The following PDE1A variants were observed in gnomAD, a reference collection of about 807,000 sequenced individuals.
The protein encoded by PDE1A is phosphodiesterase 1A.
PDE1A carries 35 observed loss-of-function variants against 61.7 expected under a neutral mutation model. The observed-to-expected ratio is 0.57, with a 90% CI of 0.43 to 0.75. The LOEUF (loss-of-function observed/expected upper bound fraction) is 0.75. Ranked by LOEUF, PDE1A falls within the 30% of genes least tolerant of loss-of-function variation. The pLI is 0.00. For synonymous variants in PDE1A, 232 were observed against 213.2 expected (o/e 1.09, Z -0.77); for missense variants, 597 against 630.6 (o/e 0.95, Z 0.57).
chr2:182,569,254 AATATATATAT>A, the PDE1A span, among the ~76,000 whole-genome samples: 1,122 of 138,592 alleles, frequency 8.1e-3, 31 homozygotes, highest in African/African-American at 0.029. Context: ...ACCTGTCTCA[AATATATATAT>A]ATATATATAT....
At chr2:182,183,947 C>G (rs149355291) in intron 13 of PDE1A, among the ~76,000 whole-genome samples, 200 of 146,744 alleles carry the variant, frequency 1.4e-3, no homozygotes, top group African/African-American at 4.9e-3. Context: ...CATTAGAAAG[C>G]AGCCAATCAA....
At chr2:182,504,248 T>G (rs1056396673) in intron 2 of PDE1A, among the ~76,000 whole-genome samples, 4 of 152,228 alleles carry the variant, frequency 2.6e-5, no homozygotes, top group African/African-American at 9.6e-5. Flanking sequence ...TTCTAAGGAA[T>G]TTAAGATTAC....
chr2:182,508,729 T>C (rs1689575862), intron 2 of PDE1A, among the ~76,000 whole-genome samples: 1 of 143,568 alleles, frequency 7.0e-6, no homozygotes, highest in South Asian at 2.1e-4. Context: ...TGTAAATTTC[T>C]TTTTTTTTTT....
the PDE1A span, among the ~76,000 whole-genome samples, chr2:182,541,900 G>A: frequency 1.3e-5 from 2 of 152,148 alleles, no homozygotes; most frequent in Non-Finnish European, 2.9e-5. Flanking sequence ...TATTGTAAAT[G>A]AAGCTTTATG....
At chr2:182,385,432 A>AATAAATG (rs1205759162) in intron 1 of PDE1A, among the ~76,000 whole-genome samples, 5 of 152,264 alleles carry the variant, frequency 3.3e-5, no homozygotes, top group South Asian at 2.1e-4. Context: ...GGAGGAATGG[A>AATAAATG]ATAAATGTAT....
At chr2:182,306,125 TGTA>T (rs1356629868) in intron 1 of PDE1A, among the ~76,000 whole-genome samples, 5 of 152,136 alleles carry the variant, frequency 3.3e-5, no homozygotes, top group Admixed American at 3.3e-4. Flanking sequence ...AATGAGAACA[TGTA>T]GTATTAGTTT....
At chr2:182,170,025 T>A (rs993438539) in intron 13 of PDE1A, among the ~76,000 whole-genome samples, 1 of 151,872 alleles carries the variant, frequency 6.6e-6, no homozygotes, top group Non-Finnish European at 1.5e-5. Flanking sequence ...CCTTAAGTTA[T>A]GCTGCTGTCA....
chr2:182,628,009 C>T, the PDE1A span, among the ~76,000 whole-genome samples: 25 of 151,306 alleles, frequency 1.7e-4, no homozygotes, highest in Non-Finnish European at 3.1e-4. Flanking sequence ...ATTTATAATG[C>T]TATTTTCACC....
At chr2:182,168,077 A>T (rs1691762861) in exon 14 of PDE1A, 2 of 1,309,856 alleles carry the variant, frequency 1.5e-6, no homozygotes, top group East Asian at 2.9e-5. Context: ...TGAATTAAGG[A>T]GTTTACAGCT....
chr2:182,670,138 G>A, the PDE1A span, among the ~76,000 whole-genome samples: 12 of 152,148 alleles, frequency 7.9e-5, no homozygotes, highest in Non-Finnish European at 1.5e-4. Context: ...CTGTATATAA[G>A]TGCCCAGTAC....
intron 2 of PDE1A, among the ~76,000 whole-genome samples, chr2:182,445,757 T>C (rs1685090746): frequency 1.3e-5 from 2 of 152,136 alleles, no homozygotes; most frequent in Non-Finnish European, 2.9e-5. Flanking sequence ...TGTTGTTTTT[T>C]CCATTATTGA....
At chr2:182,573,742 TGCA>T in the PDE1A span, among the ~76,000 whole-genome samples, 8 of 151,280 alleles carry the variant, frequency 5.3e-5, no homozygotes, top group Admixed American at 4.0e-4. Context: ...TGATGATCTC[TGCA>T]ATTTATTTTA....
intron 1 of PDE1A, among the ~76,000 whole-genome samples, chr2:182,285,093 C>T (rs1002167150): frequency 1.3e-5 from 2 of 151,996 alleles, no homozygotes; most frequent in African/African-American, 2.4e-5. Context: ...ATTGTTTTGC[C>T]GCCTCTGATT....
the PDE1A span, among the ~76,000 whole-genome samples, chr2:182,675,036 C>G: frequency 6.6e-6 from 1 of 151,998 alleles, no homozygotes; most frequent in Non-Finnish European, 1.5e-5. Context: ...GTTTGTTGTA[C>G]AGATTATTTT....
intron 13 of PDE1A, among the ~76,000 whole-genome samples, chr2:182,183,713 T>A (rs920847520): frequency 1.3e-5 from 2 of 150,732 alleles, no homozygotes; most frequent in South Asian, 2.1e-4. Context: ...ACAAGTTTTT[T>A]AAATATGTTT....
In PDE1A at chr2:182,234,174, G is replaced by GA. The variant is rs941151626; in HGVS notation, c.417+257dup. ...TCAAGATCCACATAAATAAAATTAA[G>GA]AAAAAAAACACACGTGTGTGTGCAT... is the stretch of plus-strand genomic sequence containing the variant. On this transcript the variant is annotated intron_variant, in intron 4 of 13. Coordinates refer to ENST00000351439, the Ensembl canonical transcript of PDE1A. Among the ~76,000 whole-genome samples, 11 of 151,580 alleles carry GA rather than the reference G, an allele frequency of 7.3e-5. No individual in the cohort carries two copies. The East Asian group carries it at 9.7e-4, about 13-fold the overall frequency.
intron 1 of PDE1A, among the ~76,000 whole-genome samples, chr2:182,328,520 A>G (rs1455628584): frequency 6.6e-6 from 1 of 152,180 alleles, no homozygotes; most frequent in Non-Finnish European, 1.5e-5. Flanking sequence ...AGATGAACAG[A>G]TTTTAAGTTC....
intron 1 of PDE1A, among the ~76,000 whole-genome samples, chr2:182,278,255 C>T (rs540022186): frequency 3.0e-4 from 46 of 152,120 alleles, no homozygotes; most frequent in African/African-American, 1.0e-3. Flanking sequence ...CAAGCTTACA[C>T]AATTGAGTTG....
chr2:182,332,495 T>G (rs1272470089), intron 1 of PDE1A, among the ~76,000 whole-genome samples: 2 of 152,220 alleles, frequency 1.3e-5, no homozygotes, highest in African/African-American at 4.8e-5. Context: ...TGGATTTAAC[T>G]ACCTTTGGTC....
Sources: allele counts gnomAD v4.1 joint callset (sites outside exome capture counted in the v4.1 genomes callset), GRCh38; gene constraint gnomAD v4.1.1; transcripts MANE v1.5; gene names NCBI Gene and HGNC (gene_info 2026-07-23, HGNC 2026-07-21).